Variants in PHTF2 observed in about 807,000 individuals in gnomAD.
The protein encoded by PHTF2 is putative homeodomain transcription factor 2.
In PHTF2, 60 loss-of-function variants were observed where a neutral mutation model predicts 101.2. The observed-to-expected ratio is 0.59, with a 90% CI of 0.48 to 0.73. The LOEUF (loss-of-function observed/expected upper bound fraction) is 0.73, where lower values mean the gene tolerates loss of function less well. PHTF2 is among the 30% of genes least tolerant of loss of function. The pLI, the probability that PHTF2 is intolerant of heterozygous loss-of-function variation, is 0.00. For synonymous variants in PHTF2, 311 were observed against 307.3 expected (o/e 1.01, Z -0.13); for missense variants, 747 against 908.7 (o/e 0.82, Z 2.29).
chr7:77,925,236 AT>A (rs1338905389), intron 11 of PHTF2, among the ~76,000 whole-genome samples: 1 of 152,224 alleles, frequency 6.6e-6, no homozygotes, highest in Admixed American at 6.5e-5. Flanking sequence ...GAAAGCATTT[AT>A]AAGTCCATAT....
chr7:77,869,736 T>G (rs573534669), intron 3 of PHTF2, among the ~76,000 whole-genome samples: 17 of 152,120 alleles, frequency 1.1e-4, no homozygotes, highest in Non-Finnish European at 2.2e-4. Context: ...ATTTTTTGTC[T>G]TTTCAATAGT....
At chr7:77,864,466 C>T (rs916489226) in intron 3 of PHTF2, among the ~76,000 whole-genome samples, 1 of 152,214 alleles carries the variant, frequency 6.6e-6, no homozygotes, top group African/African-American at 2.4e-5. Flanking sequence ...TTTTTCTGGT[C>T]TAATTCCAGT....
chr7:77,904,483 TGG>T (rs1337609170), intron 7 of PHTF2, among the ~76,000 whole-genome samples: 2 of 152,206 alleles, frequency 1.3e-5, no homozygotes, highest in Non-Finnish European at 2.9e-5. Context: ...ACAGATTGGG[TGG>T]CTTATACAAC....
intron 16 of PHTF2, among the ~76,000 whole-genome samples, chr7:77,947,215 T>C (rs1447629413): frequency 6.6e-6 from 1 of 152,090 alleles, no homozygotes; most frequent in African/African-American, 2.4e-5. Flanking sequence ...ACAAAAGATA[T>C]GTAGGACCTT....
chr7:77,931,431 A>C (rs1172526354), intron 12 of PHTF2, among the ~76,000 whole-genome samples: 1 of 152,260 alleles, frequency 6.6e-6, no homozygotes, highest in Non-Finnish European at 1.5e-5. Context: ...GAAAAATAAA[A>C]GGATGTGAAC....
intron 3 of PHTF2, among the ~76,000 whole-genome samples, chr7:77,888,203 C>A (rs192985893): frequency 1.1e-3 from 175 of 152,286 alleles, no homozygotes; most frequent in African/African-American, 4.0e-3. Context: ...CAACTTCCTC[C>A]TCCCGGGTTC....
chr7:77,844,581 G>A (rs1270194200), intron 2 of PHTF2, among the ~76,000 whole-genome samples: 4 of 152,206 alleles, frequency 2.6e-5, no homozygotes, highest in Admixed American at 1.3e-4. Context: ...GCTGGAGTCA[G>A]TGGTACGATC....
chr7:77,881,054 A>G (rs916853269), intron 3 of PHTF2, among the ~76,000 whole-genome samples: 1 of 151,962 alleles, frequency 6.6e-6, no homozygotes, highest in African/African-American at 2.4e-5. Context: ...TTGTTTTTTT[A>G]CCTTTTTTAT....
exon 18 of PHTF2, chr7:77,951,625 C>T (rs1452159084): frequency 7.4e-7 from 1 of 1,353,872 alleles, no homozygotes; most frequent in South Asian, 1.3e-5. Context: ...AGATAAACCT[C>T]TACTTGAAAA....
At chr7:77,889,287 T>G (rs1307420916) in intron 3 of PHTF2, among the ~76,000 whole-genome samples, 1 of 152,224 alleles carries the variant, frequency 6.6e-6, no homozygotes, top group Non-Finnish European at 1.5e-5. Context: ...AAGAGATCTT[T>G]AGAATCCCTT....
chr7:77,883,443 C>G (rs538791342), intron 3 of PHTF2, among the ~76,000 whole-genome samples: 78 of 152,090 alleles, frequency 5.1e-4, no homozygotes, highest in Non-Finnish European at 9.6e-4. Flanking sequence ...TTCTCACATT[C>G]ACTATTTTGT....
chr7:77,855,177 G>T (rs562972080), intron 3 of PHTF2, among the ~76,000 whole-genome samples: 1 of 152,222 alleles, frequency 6.6e-6, no homozygotes, highest in South Asian at 2.1e-4. Context: ...TCTTTAGTCA[G>T]CAGGTGATGA....
intron 11 of PHTF2, chr7:77,922,986 ATT>A: frequency 7.9e-7 from 1 of 1,257,974 alleles, no homozygotes; most frequent in Non-Finnish European, 1.0e-6. Flanking sequence ...ATTTGAGCTC[ATT>A]TTATGCATTA....
intron 11 of PHTF2, among the ~76,000 whole-genome samples, chr7:77,925,773 A>G (rs1001079612): frequency 7.2e-5 from 11 of 151,876 alleles, no homozygotes; most frequent in Admixed American, 5.2e-4. Context: ...AAAATGACCC[A>G]CTTGGCCGGG....
intron 1 of PHTF2, among the ~76,000 whole-genome samples, chr7:77,832,325 A>G: frequency 6.6e-6 from 1 of 152,160 alleles, no homozygotes; most frequent in Non-Finnish European, 1.5e-5. Flanking sequence ...CTGGTGCATG[A>G]TCACCTATCT....
At chr7:77,945,273 A>T (rs1450356788) in intron 16 of PHTF2, among the ~76,000 whole-genome samples, 2 of 152,144 alleles carry the variant, frequency 1.3e-5, no homozygotes, top group African/African-American at 4.8e-5. Flanking sequence ...GGGAGGCAGA[A>T]GTTGCAGTGA....
intron 3 of PHTF2, among the ~76,000 whole-genome samples, chr7:77,871,665 A>G (rs1798529958): frequency 7.0e-6 from 1 of 142,792 alleles, no homozygotes; most frequent in Non-Finnish European, 1.6e-5. Flanking sequence ...ACTTTGCCCC[A>G]GCCCTGCAAA....
In PHTF2 at chr7:77,922,798, G is replaced by A. The variant is rs973372423; in HGVS notation, c.1119+20G>A. 4 of 1,507,122 alleles carry A rather than the reference G, an allele frequency of 2.7e-6. No individual in the cohort carries two copies. The Admixed American group carries it at 5.6e-5, about 21-fold the overall frequency. 93.4% of individuals were successfully genotyped at this position (1,507,122 alleles called of 1,614,324 possible). On this transcript the variant is annotated intron_variant, in intron 11 of 19. Transcript: ENST00000416283. Reference sequence around the variant, plus strand: ...AATGAGGTATATACTTTGTCCTTAAGTGTATACATACGTATCTATTTTATA... The same window carrying A: ...AATGAGGTATATACTTTGTCCTTAAATGTATACATACGTATCTATTTTATA...
chr7:77,849,115 T>C lies in PHTF2; in HGVS notation c.46-5618T>C, dbSNP rs182151356. ...TTTTTATGCTAGTACCATGCTGGAG[T>C]TTTTTTTGTTTTGTTTTTGCTTTTT... On this transcript the variant is annotated intron_variant, in intron 2 of 19. Coordinates refer to ENST00000416283, the Ensembl canonical transcript of PHTF2. 4.6e-5 allele frequency among the ~76,000 whole-genome samples: 7 copies of C among 151,424 alleles called. No individual in the cohort carries two copies. The East Asian group carries it at 1.4e-3, about 29-fold the overall frequency.
Sources: allele counts gnomAD v4.1 joint callset (sites outside exome capture counted in the v4.1 genomes callset), GRCh38; gene constraint gnomAD v4.1.1; transcripts MANE v1.5; gene names NCBI Gene and HGNC (gene_info 2026-07-23, HGNC 2026-07-21).